Variants in SUSD6 observed in about 807,000 individuals in gnomAD.
The protein encoded by SUSD6 is sushi domain-containing protein 6.
SUSD6 carries 16 observed loss-of-function variants against 28.4 expected under a neutral mutation model. The ratio of observed to expected loss-of-function variants is 0.56; its 90% CI spans 0.38 to 0.86. The LOEUF (loss-of-function observed/expected upper bound fraction) is 0.86. Ranked by LOEUF, SUSD6 falls within the 40% of genes least tolerant of loss-of-function variation. SUSD6 has a pLI of 0.00. For missense variants in SUSD6, 341 were observed against 384.2 expected, an observed-to-expected ratio of 0.89 and a Z score of 0.94; for synonymous variants, 147 against 159.6, an observed-to-expected ratio of 0.92 and a Z score of 0.59.
intron 2 of SUSD6, among the ~76,000 whole-genome samples, chr14:69,677,028 G>A (rs1885920135): frequency 6.6e-6 from 1 of 152,194 alleles, no homozygotes; most frequent in South Asian, 2.1e-4. Context: ...AGGGACCTGG[G>A]TTTTGATATC....
At chr14:69,703,626 G>C in intron 3 of SUSD6, 34 bp downstream of exon 3, 1 of 1,595,334 alleles carries the variant, frequency 6.3e-7, no homozygotes, top group Non-Finnish European at 8.6e-7. Context: ...GATGCTGCTG[G>C]GGTTCTGCTT....
Position 69,677,730 on chromosome 14 carries a change from A to G in SUSD6, c.121+19017A>G, listed in dbSNP as rs149012007. Among the ~76,000 whole-genome samples the G allele has an allele frequency of 1.7e-3, 253 of 152,210 alleles. 1 individual carries two copies. Among genetic ancestry groups the G allele is most frequent in the African/African-American group, 5.7e-3 (237 of 41,528 alleles). On this transcript the variant is annotated intron_variant, in intron 2 of 5. Coordinates refer to ENST00000342745, the MANE Select transcript of SUSD6 (RefSeq NM_014734.4). Reference sequence around the variant, plus strand: ...TTTAGCAGTCTTGATGAATCTAATTATTTATTTCTATATTTTGTGACCATA... The same window carrying G: ...TTTAGCAGTCTTGATGAATCTAATTGTTTATTTCTATATTTTGTGACCATA...
chr14:69,681,150 G>A (rs1045598249), intron 2 of SUSD6, among the ~76,000 whole-genome samples: 4 of 152,120 alleles, frequency 2.6e-5, no homozygotes, highest in African/African-American at 4.8e-5. Flanking sequence ...CAGTCTGATG[G>A]CAACAACTAG....
intron 1 of SUSD6, among the ~76,000 whole-genome samples, chr14:69,632,655 A>AC (rs1434601166): frequency 6.6e-6 from 1 of 151,548 alleles, no homozygotes; most frequent in East Asian, 1.9e-4. Flanking sequence ...CTAGCATTAA[A>AC]AAAAAAAAAC....
At chr14:69,680,076 T>C (rs1447536674) in intron 2 of SUSD6, among the ~76,000 whole-genome samples, 4 of 152,114 alleles carry the variant, frequency 2.6e-5, no homozygotes, top group African/African-American at 9.7e-5. Context: ...TTTTGCAGAG[T>C]TCAGCAGTCT....
Position 69,644,564 on chromosome 14 carries a change from C to T in SUSD6, c.-80-13949C>T, listed in dbSNP as rs376394734. 1.2e-3 allele frequency among the ~76,000 whole-genome samples: 176 copies of T among 151,962 alleles called. 1 individual carries two copies. The highest frequency in any genetic ancestry group is 2.1e-3 in the Non-Finnish European group (144 of 67,972). ...ACTCGGGAGGCTGAGGCAGGAGAAT[C>T]GCTTGAAGCAGGAAGTTGCAGTGAG... On this transcript the variant is annotated intron_variant, in intron 1 of 5. Coordinates refer to ENST00000342745, the MANE Select transcript of SUSD6 (RefSeq NM_014734.4).
At chr14:69,661,555 G>T (rs993906731) in intron 2 of SUSD6, among the ~76,000 whole-genome samples, 3 of 152,128 alleles carry the variant, frequency 2.0e-5, no homozygotes, top group Non-Finnish European at 4.4e-5. Flanking sequence ...GGGGAAAGGG[G>T]TTCACCTTTG....
intron 1 of SUSD6, among the ~76,000 whole-genome samples, chr14:69,634,936 AC>A (rs1885242477): frequency 6.6e-6 from 1 of 152,314 alleles, no homozygotes; most frequent in South Asian, 2.1e-4. Flanking sequence ...TCAGATTTAT[AC>A]CCTCTTCCCA....
intron 2 of SUSD6, among the ~76,000 whole-genome samples, chr14:69,668,501 G>C (rs1483270627): frequency 6.6e-6 from 1 of 152,054 alleles, no homozygotes; most frequent in African/African-American, 2.4e-5. Flanking sequence ...CGGGCGTGGT[G>C]ATGCACACCT....
At chr14:69,688,087 A>G in intron 2 of SUSD6, among the ~76,000 whole-genome samples, 1 of 152,216 alleles carries the variant, frequency 6.6e-6, no homozygotes, top group East Asian at 1.9e-4. Flanking sequence ...TGGTAGAGCC[A>G]GACTCCTCTC....
At chr14:69,657,419 C>T (rs1407342466) in intron 1 of SUSD6, among the ~76,000 whole-genome samples, 1 of 152,028 alleles carries the variant, frequency 6.6e-6, no homozygotes, top group East Asian at 1.9e-4. Context: ...TGTGCCATTG[C>T]ACTCTAGCCT....
At chr14:69,660,991 A>T (rs1000365314) in intron 2 of SUSD6, among the ~76,000 whole-genome samples, 5 of 152,206 alleles carry the variant, frequency 3.3e-5, no homozygotes. Flanking sequence ...ATAAGTATGC[A>T]TGTGAATGGA....
At chr14:69,625,131 G>A (rs1401901875) in intron 1 of SUSD6, among the ~76,000 whole-genome samples, 1 of 152,172 alleles carries the variant, frequency 6.6e-6, no homozygotes, top group Non-Finnish European at 1.5e-5. Context: ...CTGTCTGACT[G>A]TGTGGCTTCA....
In SUSD6 at chr14:69,708,882, G is replaced by A; in HGVS notation, c.664G>A (p.Ala222Thr). ...PREQQLPDQG[A>T]CSSAGGEDEA... ...GGAGCAACAGCTGCCGGACCAAGGGGCCTGCTCCTCTGCAGGTGGAGAAGA... is the reference window on the plus strand; with the variant it reads ...GGAGCAACAGCTGCCGGACCAAGGGACCTGCTCCTCTGCAGGTGGAGAAGA... Residue 222 changes from alanine (A) to threonine (T), a missense_variant, in exon 5 of 6, where the codon GCC (alanine) becomes ACC (threonine). Coordinates refer to ENST00000342745, the MANE Select transcript of SUSD6 (RefSeq NM_014734.4). The A allele has an allele frequency of 6.2e-7, 1 of 1,614,154 alleles. No individual in the cohort carries two copies. Among genetic ancestry groups the A allele is most frequent in the East Asian group, 2.2e-5 (1 of 44,878 alleles).
intron 1 of SUSD6, among the ~76,000 whole-genome samples, chr14:69,645,341 T>C (rs1212557826): frequency 6.6e-6 from 1 of 152,146 alleles, no homozygotes; most frequent in Non-Finnish European, 1.5e-5. Flanking sequence ...GCCTCAGATG[T>C]ATTAGGGAAG....
intron 2 of SUSD6, among the ~76,000 whole-genome samples, chr14:69,693,790 G>A (rs1297305327): frequency 2.0e-5 from 3 of 152,172 alleles, no homozygotes; most frequent in African/African-American, 4.8e-5. Flanking sequence ...AGGCCCCTGG[G>A]TCAAACCCAG....
rs142568674 is a variant in SUSD6, at chr14:69,669,253, G to A, written c.121+10540G>A. Among the ~76,000 whole-genome samples the A allele has an allele frequency of 7.7e-3, 1,171 of 151,794 alleles. 15 individuals are homozygous for A. The highest frequency in any genetic ancestry group is 0.027 in the African/African-American group (1,103 of 41,412). On this transcript the variant is annotated intron_variant, in intron 2 of 5. Transcript: ENST00000342745. ...TAATTTTTGTATTTTTAATAGAGACGGAGTTTCACCATGTTGGCCAGGATG... is the reference window on the plus strand; with the variant it reads ...TAATTTTTGTATTTTTAATAGAGACAGAGTTTCACCATGTTGGCCAGGATG...
chr14:69,698,312 G>T lies in SUSD6; in HGVS notation c.122-5083G>T, dbSNP rs151193215. ...CTGCACTCCAGCCTGGGTGACAGGG[G>T]ACAGGGCGAGACTCATCACAAACAA... is the stretch of plus-strand genomic sequence containing the variant. On this transcript the variant is annotated intron_variant, in intron 2 of 5. Transcript: ENST00000342745. Among the ~76,000 whole-genome samples, 10 of 152,198 alleles carry T rather than the reference G, an allele frequency of 6.6e-5. No homozygotes were observed. The East Asian group carries it at 1.9e-3, about 29-fold the overall frequency.
At chr14:69,687,985 A>G (rs1886098068) in intron 2 of SUSD6, among the ~76,000 whole-genome samples, 1 of 152,108 alleles carries the variant, frequency 6.6e-6, no homozygotes, top group Admixed American at 6.5e-5. Flanking sequence ...GTAATTATAC[A>G]GTTATACTCT....
Sources: gnomAD v4.1 joint callset for allele counts (sites outside exome capture counted in the v4.1 genomes callset) on GRCh38, gnomAD v4.1.1 for gene constraint, MANE v1.5 for transcripts, NCBI Gene and HGNC (gene_info 2026-07-23, HGNC 2026-07-21) for gene names.